GRIP1: variants seen among roughly 807,000 people sequenced by gnomAD.
GRIP1 encodes glutamate receptor interacting protein 1.
GRIP1 carries 45 observed loss-of-function variants against 129.9 expected under a neutral mutation model. The ratio of observed to expected loss-of-function variants is 0.35; its 90% confidence interval spans 0.27 to 0.44. The LOEUF is 0.44. Among genes scored for constraint, GRIP1 ranks in the 20% least tolerant of loss-of-function variants. The pLI, the probability that GRIP1 is intolerant of heterozygous loss-of-function variation, is 1.00. For synonymous variants in GRIP1, 530 were observed against 520.8 expected, an observed-to-expected ratio of 1.02 and a Z score of -0.24; for missense variants, 1,196 against 1,396.8, an observed-to-expected ratio of 0.86 and a Z score of 2.29.
chr12:66,564,144 T>C, intron 2 of GRIP1: 1 of 153,770 alleles, frequency 6.5e-6, no homozygotes, highest in Admixed American at 6.5e-5. Context: ...TTTTTCTTAA[T>C]ATTTTAAGTT....
At chr12:66,998,717 C>G (rs2042506016) in intron 1 of GRIP1, among the ~76,000 whole-genome samples, 2 of 152,144 alleles carry the variant, frequency 1.3e-5, no homozygotes, top group African/African-American at 2.4e-5. Flanking sequence ...TCTGTCTTCT[C>G]TCCTTACAAG....
rs544989294 is a variant in GRIP1, at chr12:66,867,006, C to T, written c.58+202044G>A. Among the ~76,000 whole-genome samples, 5 of 152,048 alleles carry T rather than the reference C, an allele frequency of 3.3e-5. No individual in the cohort carries two copies. The East Asian group carries it at 7.8e-4, about 24-fold the overall frequency. On this transcript the variant is annotated intron_variant, in intron 1 of 1. Transcript: ENST00000643019. ...TGTATATTTTATTTATTTTTTATAT[C>T]GAGACAGACTCTCACTCTGTTGCCC...
intron 1 of GRIP1, among the ~76,000 whole-genome samples, chr12:66,746,056 G>T (rs1219327115): frequency 2.0e-5 from 3 of 152,104 alleles, no homozygotes; most frequent in Non-Finnish European, 4.4e-5. Flanking sequence ...CCATAGGAAG[G>T]ACCAGTGCAG....
intron 1 of GRIP1, among the ~76,000 whole-genome samples, chr12:66,744,849 A>C (rs1428034055): frequency 1.3e-5 from 2 of 152,220 alleles, no homozygotes; most frequent in Non-Finnish European, 2.9e-5. Flanking sequence ...ATTATATTAC[A>C]GACAGTTCTA....
intron 1 of GRIP1, among the ~76,000 whole-genome samples, chr12:66,883,440 G>A (rs1252278): frequency 0.68 from 103,501 of 151,992 alleles, 35,778 homozygotes; most frequent in Admixed American, 0.79. Context: ...TATAATATAA[G>A]TAGAGAGGGA....
chr12:67,030,694 A>G (rs2043009615), intron 1 of GRIP1, among the ~76,000 whole-genome samples: 2 of 152,196 alleles, frequency 1.3e-5, no homozygotes, highest in Non-Finnish European at 2.9e-5. Context: ...CTAACTGTGA[A>G]AAAGTGCTAG....
chr12:66,440,346 G>A (rs1161409181), intron 13 of GRIP1, among the ~76,000 whole-genome samples: 1 of 152,080 alleles, frequency 6.6e-6, no homozygotes, highest in African/African-American at 2.4e-5. Flanking sequence ...ATTTTTAAAT[G>A]TATGATTAAA....
At chr12:66,876,030 T>C (rs1390699074) in intron 1 of GRIP1, among the ~76,000 whole-genome samples, 3 of 152,014 alleles carry the variant, frequency 2.0e-5, no homozygotes, top group African/African-American at 4.8e-5. Context: ...CATATGCAAA[T>C]CTTCAGAGTG....
At chr12:66,811,519 C>T (rs542632822) in intron 1 of GRIP1, among the ~76,000 whole-genome samples, 7 of 152,212 alleles carry the variant, frequency 4.6e-5, no homozygotes, top group African/African-American at 1.2e-4. Flanking sequence ...TCTATTTAAG[C>T]TCAATGTTTG....
chr12:66,938,774 T>TGC (rs2041532451), intron 1 of GRIP1, among the ~76,000 whole-genome samples: 3 of 151,980 alleles, frequency 2.0e-5, no homozygotes, highest in Admixed American at 2.0e-4. Context: ...CTGGCCAACA[T>TGC]GGTGAAACCC....
intron 2 of GRIP1, among the ~76,000 whole-genome samples, chr12:66,583,104 A>T (rs1304543040): frequency 2.0e-5 from 3 of 151,866 alleles, no homozygotes; most frequent in Non-Finnish European, 4.4e-5. Flanking sequence ...ATAACGCCGC[A>T]TATCTACAAC....
intron 1 of GRIP1, among the ~76,000 whole-genome samples, chr12:67,021,297 T>C (rs931234847): frequency 1.3e-5 from 2 of 152,086 alleles, no homozygotes; most frequent in Non-Finnish European, 1.5e-5. Flanking sequence ...TCCCTCCTTC[T>C]TCCTGTCCCC....
intron 7 of GRIP1, among the ~76,000 whole-genome samples, chr12:66,507,754 C>CCTTT (rs145153553): frequency 0.35 from 52,573 of 150,630 alleles, 9,176 homozygotes; most frequent in Middle Eastern, 0.45. Context: ...ATAGGGCATT[C>CCTTT]CTTTCTTTCT....
chr12:66,578,642 G>A (rs1406030793), intron 2 of GRIP1, among the ~76,000 whole-genome samples: 5 of 152,216 alleles, frequency 3.3e-5, no homozygotes, highest in Non-Finnish European at 7.3e-5. Context: ...TGCCCACGGA[G>A]TCTCGCTGAT....
chr12:67,004,178 A>G lies in GRIP1; in HGVS notation c.58+64872T>C, dbSNP rs191358004. Among the ~76,000 whole-genome samples the G allele has an allele frequency of 2.9e-3, 440 of 152,340 alleles. 1 individual carries two copies. Among genetic ancestry groups the G allele is most frequent in the Non-Finnish European group, 4.9e-3 (331 of 68,034 alleles). ...AAATAGGGTAAAATTTACAATTTAC[A>G]TGAATTAGGACTTGATCTCTTTGGG... On this transcript the variant is annotated intron_variant, in intron 1 of 1. Coordinates refer to the GRIP1 transcript ENST00000643019.
chr12:67,058,651 G>A (rs1592527630), intron 1 of GRIP1, among the ~76,000 whole-genome samples: 1 of 152,236 alleles, frequency 6.6e-6, no homozygotes, highest in Non-Finnish European at 1.5e-5. Context: ...GTGCAAGGAA[G>A]ACTAGTAGAA....
upstream of GRIP1, among the ~76,000 whole-genome samples, chr12:66,808,922 A>G (rs2039050619): frequency 3.3e-5 from 5 of 152,320 alleles, no homozygotes; most frequent in South Asian, 1.0e-3. Flanking sequence ...TTTAAAAGAA[A>G]TTCCAGCACC....
rs559005627 is a variant in GRIP1, at chr12:66,839,450, T to C, written c.58+229600A>G. On this transcript the variant is annotated intron_variant, in intron 1 of 1. Transcript: ENST00000643019. The stretch of plus-strand genomic sequence containing the variant: ...GCAAGTTAATTGCATGCAGTATTCA[T>C]CTGTGAGTTTATTTTATAATTTGCA... Among the ~76,000 whole-genome samples the C allele has an allele frequency of 2.0e-5, 3 of 152,336 alleles. No individual in the cohort carries two copies. In the East Asian group the frequency reaches 5.8e-4, roughly 29 times the overall value.
intron 1 of GRIP1, among the ~76,000 whole-genome samples, chr12:66,854,045 A>G (rs2039960582): frequency 1.3e-5 from 2 of 152,054 alleles, no homozygotes; most frequent in South Asian, 4.1e-4. Context: ...GTAAGGGAGA[A>G]TTTATGAGCA....
Sources: allele counts gnomAD v4.1 joint callset (sites outside exome capture counted in the v4.1 genomes callset), GRCh38; gene constraint gnomAD v4.1.1; transcripts MANE v1.5; gene names NCBI Gene and HGNC (gene_info 2026-07-23, HGNC 2026-07-21).